The following ACER3 variants were observed in gnomAD, a reference collection of about 807,000 sequenced individuals.
ACER3 encodes the protein alkaline ceramidase 3.
Under a neutral mutation model 48.9 loss-of-function variants are expected in ACER3, and 16 were observed. The observed-to-expected ratio is 0.33, with a 90% CI of 0.22 to 0.50. The LOEUF is 0.50. Among genes scored for constraint, ACER3 ranks in the 20% least tolerant of loss-of-function variants. ACER3 has a pLI of 0.98. For missense variants in ACER3, 227 were observed against 326.0 expected (o/e 0.70, Z 2.34); for synonymous variants, 109 against 107.8 (o/e 1.01, Z -0.07).
chr11:76,958,901 ATGTCTTAT>A (rs1252497684), intron 2 of ACER3, 70 bp from the exon 3 acceptor site: 4 of 1,480,298 alleles, frequency 2.7e-6, no homozygotes, highest in Non-Finnish European at 3.8e-6. Context: ...ATGCTTTGAA[ATGTCTTAT>A]TGTCTTCTCA....
intron 1 of ACER3, among the ~76,000 whole-genome samples, chr11:76,879,403 T>C (rs1945467899): frequency 6.6e-6 from 1 of 152,240 alleles, no homozygotes. Context: ...CACTTCTTTC[T>C]TTCCAATCTT....
chr11:76,949,324 G>A (rs1299923187), intron 2 of ACER3, among the ~76,000 whole-genome samples: 1 of 152,112 alleles, frequency 6.6e-6, no homozygotes, highest in African/African-American at 2.4e-5. Context: ...ATGACCATAT[G>A]GGGAAACGTA....
intron 1 of ACER3, among the ~76,000 whole-genome samples, chr11:76,874,567 T>C (rs1211902865): frequency 6.6e-6 from 1 of 152,246 alleles, no homozygotes; most frequent in African/African-American, 2.4e-5. Context: ...GTGGTTAATA[T>C]CTGTAATCAG....
intron 1 of ACER3, among the ~76,000 whole-genome samples, chr11:76,921,046 G>A (rs1057256260): frequency 1.3e-5 from 2 of 152,014 alleles, no homozygotes; most frequent in Non-Finnish European, 2.9e-5. Context: ...AAGCTAAATT[G>A]CTTATTTACA....
chr11:76,919,937 T>G (rs1946642389), intron 1 of ACER3, among the ~76,000 whole-genome samples: 1 of 152,210 alleles, frequency 6.6e-6, no homozygotes, highest in Non-Finnish European at 1.5e-5. Flanking sequence ...TTATTACTTC[T>G]TAGCTCTGAG....
intron 9 of ACER3, among the ~76,000 whole-genome samples, chr11:77,017,139 A>C (rs1004472093): frequency 1.7e-4 from 26 of 152,320 alleles, no homozygotes; most frequent in East Asian, 3.8e-4. Flanking sequence ...AGAAGGAAAG[A>C]AATAACATGG....
chr11:76,985,176 A>G (rs971080294), intron 4 of ACER3, among the ~76,000 whole-genome samples: 2 of 152,140 alleles, frequency 1.3e-5, no homozygotes, highest in African/African-American at 2.4e-5. Flanking sequence ...TCTGTCATCC[A>G]GGCTGGACCC....
At chr11:76,905,689 TG>T (rs1201783178) in intron 1 of ACER3, among the ~76,000 whole-genome samples, 2 of 152,204 alleles carry the variant, frequency 1.3e-5, no homozygotes, top group African/African-American at 2.4e-5. Flanking sequence ...TTCATTAATA[TG>T]GGAATGGATA....
chr11:76,902,386 A>G (rs1011123893), intron 1 of ACER3, among the ~76,000 whole-genome samples: 2 of 152,186 alleles, frequency 1.3e-5, no homozygotes, highest in African/African-American at 2.4e-5. Flanking sequence ...GCTGCATTTC[A>G]ATACAAGATA....
At chr11:76,950,699 C>T (rs78973085) in intron 2 of ACER3, among the ~76,000 whole-genome samples, 3,215 of 151,852 alleles carry the variant, frequency 0.021, 118 homozygotes, top group African/African-American at 0.074. Flanking sequence ...AAGTCCTGGG[C>T]TCAAGCAATC....
At chr11:76,949,844 A>G (rs912464133) in intron 2 of ACER3, among the ~76,000 whole-genome samples, 6 of 152,138 alleles carry the variant, frequency 3.9e-5, no homozygotes, top group Non-Finnish European at 7.4e-5. Flanking sequence ...TTGAAAATCT[A>G]TATTCCTTGG....
intron 2 of ACER3, among the ~76,000 whole-genome samples, chr11:76,944,732 A>G (rs1430828439): frequency 6.6e-6 from 1 of 152,056 alleles, no homozygotes; most frequent in Non-Finnish European, 1.5e-5. Flanking sequence ...GACCTCCTGA[A>G]TCTGGATGTC....
chr11:76,924,651 T>A lies in ACER3; in HGVS notation c.104-1906T>A, dbSNP rs116184403. On this transcript the variant is annotated intron_variant, in intron 1 of 10. Transcript: ENST00000532485. Reference sequence around the variant, plus strand: ...GGATTTCACTTTTTTATACCATCCCTGCTTTCCCCACTATATTTTCTCAAT... The same window carrying A: ...GGATTTCACTTTTTTATACCATCCCAGCTTTCCCCACTATATTTTCTCAAT... Among the ~76,000 whole-genome samples, 1,447 of 152,264 alleles carry A rather than the reference T, an allele frequency of 9.5e-3. 23 individuals are homozygous for A. Among genetic ancestry groups the A allele is most frequent in the Middle Eastern group, 0.041 (12 of 294 alleles).
intron 1 of ACER3, among the ~76,000 whole-genome samples, chr11:76,862,701 CTG>C (rs1231357853): frequency 2.6e-5 from 4 of 152,026 alleles, no homozygotes; most frequent in African/African-American, 9.7e-5. Context: ...CAGAAACTAA[CTG>C]TAATGGGGAA....
At chr11:76,963,834 A>G (rs931966764) in intron 3 of ACER3, among the ~76,000 whole-genome samples, 4 of 151,462 alleles carry the variant, frequency 2.6e-5, no homozygotes, top group African/African-American at 9.8e-5. Flanking sequence ...AACCTGGTCA[A>G]GTAGCCAAGA....
chr11:76,925,190 G>A (rs921477841), intron 1 of ACER3, among the ~76,000 whole-genome samples: 1 of 151,960 alleles, frequency 6.6e-6, no homozygotes, highest in African/African-American at 2.4e-5. Flanking sequence ...AGAACGATGC[G>A]TCCATGTTTT....
intron 8 of ACER3, among the ~76,000 whole-genome samples, chr11:77,016,110 G>GGA (rs782082716): frequency 0.011 from 1,344 of 126,306 alleles, 29 homozygotes; most frequent in African/African-American, 0.029. Context: ...CCGTCTCAGG[G>GGA]AAAAAAAAAA....
intron 1 of ACER3, among the ~76,000 whole-genome samples, chr11:76,891,813 T>G (rs1945812366): frequency 6.6e-6 from 1 of 152,224 alleles, no homozygotes; most frequent in East Asian, 1.9e-4. Flanking sequence ...AGAAGTCTTC[T>G]GTGCTAATGA....
At chr11:77,008,440 G>A (rs546910976) in intron 7 of ACER3, among the ~76,000 whole-genome samples, 54 of 152,252 alleles carry the variant, frequency 3.5e-4, no homozygotes, top group African/African-American at 1.2e-3. Context: ...TGAAATAAAA[G>A]CAACTTTCTT....
Sources: allele counts gnomAD v4.1 joint callset (sites outside exome capture counted in the v4.1 genomes callset), GRCh38; gene constraint gnomAD v4.1.1; transcripts MANE v1.5; gene names NCBI Gene and HGNC (gene_info 2026-07-23, HGNC 2026-07-21).